The following CDK17 variants were observed in gnomAD, a reference collection of about 807,000 sequenced individuals.
CDK17 encodes the protein cyclin dependent kinase 17.
Under a neutral mutation model 77.6 loss-of-function variants are expected in CDK17, and 24 were observed. The observed-to-expected ratio is 0.31, with a 90% CI of 0.22 to 0.44. The LOEUF (loss-of-function observed/expected upper bound fraction) is 0.44. Ranked by LOEUF, CDK17 falls within the 20% of genes least tolerant of loss-of-function variation. CDK17 has a pLI of 1.00. For missense variants in CDK17, 429 were observed against 622.5 expected, an observed-to-expected ratio of 0.69 and a Z score of 3.31; for synonymous variants, 203 against 210.4, an observed-to-expected ratio of 0.96 and a Z score of 0.30.
chr12:96,317,778 T>C (rs1020079713), intron 3 of CDK17, among the ~76,000 whole-genome samples: 2 of 148,078 alleles, frequency 1.4e-5, no homozygotes, highest in Admixed American at 6.8e-5. Flanking sequence ...AGGCCTGCCC[T>C]AAAAGAGCTC....
At chr12:96,350,849 C>T (rs968729057) in intron 1 of CDK17, among the ~76,000 whole-genome samples, 1 of 151,972 alleles carries the variant, frequency 6.6e-6, no homozygotes, top group Non-Finnish European at 1.5e-5. Context: ...ACAAAAAAGA[C>T]CCCCAAAAAC....
At chr12:96,303,811 T>TGG (rs891319634) in intron 5 of CDK17, among the ~76,000 whole-genome samples, 3 of 152,152 alleles carry the variant, frequency 2.0e-5, no homozygotes, top group African/African-American at 7.2e-5. Flanking sequence ...TATCACAGGC[T>TGG]GGAGATGCTG....
chr12:96,382,405 T>C (rs998516760), intron 1 of CDK17, among the ~76,000 whole-genome samples: 4 of 147,120 alleles, frequency 2.7e-5, no homozygotes, highest in Admixed American at 6.8e-5. Context: ...CAGGACCAGA[T>C]GGATTCACAG....
At chr12:96,291,684 T>G (rs1293500617) in intron 10 of CDK17, among the ~76,000 whole-genome samples, 1 of 148,746 alleles carries the variant, frequency 6.7e-6, no homozygotes, top group Non-Finnish European at 1.5e-5. Context: ...AGTGGCATGA[T>G]CTTGGCTCAC....
chr12:96,333,671 CAA>C (rs58025242), intron 2 of CDK17, among the ~76,000 whole-genome samples: 8 of 111,518 alleles, frequency 7.2e-5, no homozygotes, highest in African/African-American at 9.4e-5. Context: ...GAGACTGTCT[CAA>C]AAAAAAAAAA....
At chr12:96,371,209 T>C (rs1953687218) in intron 1 of CDK17, among the ~76,000 whole-genome samples, 1 of 151,810 alleles carries the variant, frequency 6.6e-6, no homozygotes, top group African/African-American at 2.4e-5. Flanking sequence ...ACATTATACT[T>C]TATCCTCTAA....
intron 1 of CDK17, 108 bp downstream of exon 1, chr12:96,399,878 G>T (rs1320230605): frequency 4.0e-6 from 1 of 248,412 alleles, no homozygotes. Context: ...TGAGCCACCC[G>T]CGCCCCCAGT....
intron 5 of CDK17, among the ~76,000 whole-genome samples, chr12:96,301,899 T>C (rs955306879): frequency 6.6e-6 from 1 of 152,164 alleles, no homozygotes; most frequent in South Asian, 2.1e-4. Context: ...TGTTTTTATC[T>C]TTTTGTTACA....
chr12:96,286,522 G>A, intron 12 of CDK17, 142 bp downstream of exon 12: 1 of 574,962 alleles, frequency 1.7e-6, no homozygotes, highest in Non-Finnish European at 3.1e-6. Context: ...TATCTTCATA[G>A]TGTCCATTCT....
At chr12:96,398,982 G>A (rs895037922) in intron 1 of CDK17, 4 of 152,202 alleles carry the variant, frequency 2.6e-5, no homozygotes, top group Non-Finnish European at 5.9e-5. Flanking sequence ...TCCCAGAAAA[G>A]GAAAGGGTGG....
intron 1 of CDK17, among the ~76,000 whole-genome samples, chr12:96,379,128 T>C (rs1320970455): frequency 5.3e-5 from 8 of 152,126 alleles, no homozygotes; most frequent in Non-Finnish European, 8.8e-5. Context: ...GGGACAATTA[T>C]GTACCAAAAA....
Position 96,346,002 on chromosome 12 carries a change from T to C in CDK17, c.-29-11137A>G, listed in dbSNP as rs1304352887. ...AAAAGGCAGAGATTGTCAGACTGGA[T>C]TTTTTAAAAACCCAATCCACCTAAA... is the stretch of plus-strand genomic sequence containing the variant. On this transcript the variant is annotated intron_variant, in intron 1 of 16. Transcript: ENST00000261211. 4.6e-5 allele frequency among the ~76,000 whole-genome samples: 7 copies of C among 152,232 alleles called. No homozygotes were observed. The East Asian group carries it at 1.3e-3, about 29-fold the overall frequency.
At chr12:96,316,360 G>T (rs1161474961) in intron 3 of CDK17, among the ~76,000 whole-genome samples, 1 of 151,254 alleles carries the variant, frequency 6.6e-6, no homozygotes, top group Non-Finnish European at 1.5e-5. Context: ...AAACCGCAAG[G>T]CGGCAGCGAG....
chr12:96,346,424 C>G (rs867671206), intron 1 of CDK17, among the ~76,000 whole-genome samples: 2 of 151,098 alleles, frequency 1.3e-5, no homozygotes, highest in Non-Finnish European at 2.9e-5. Context: ...TGCACTCCAG[C>G]CTGGGTGACA....
At chr12:96,369,888 G>C (rs1421219593) in intron 1 of CDK17, among the ~76,000 whole-genome samples, 6 of 152,208 alleles carry the variant, frequency 3.9e-5, no homozygotes, top group Non-Finnish European at 7.3e-5. Context: ...AGACCAGCCT[G>C]ACCAATATGG....
chr12:96,309,355 T>C (rs1952617938), intron 5 of CDK17, among the ~76,000 whole-genome samples: 1 of 152,236 alleles, frequency 6.6e-6, no homozygotes, highest in Non-Finnish European at 1.5e-5. Context: ...TGTAAGCTTG[T>C]GATTTGCCAA....
chr12:96,327,468 G>A (rs565518637), intron 2 of CDK17, among the ~76,000 whole-genome samples: 3 of 152,224 alleles, frequency 2.0e-5, no homozygotes, highest in South Asian at 2.1e-4. Flanking sequence ...CAGCAGACAC[G>A]ACTGCTAAAT....
At chr12:96,399,909 T>C (rs1011550191) in intron 1 of CDK17, 77 bp downstream of exon 1, 1 of 332,058 alleles carries the variant, frequency 3.0e-6, no homozygotes, top group Non-Finnish European at 5.4e-6. Context: ...CCCGCCTCTG[T>C]CCCACGCAGC....
At chr12:96,382,973 T>A (rs1003123690) in intron 1 of CDK17, among the ~76,000 whole-genome samples, 5 of 152,076 alleles carry the variant, frequency 3.3e-5, no homozygotes, top group African/African-American at 9.7e-5. Flanking sequence ...AAAGAAGACA[T>A]CAAATTATCT....
Sources: gnomAD v4.1 joint callset for allele counts (sites outside exome capture counted in the v4.1 genomes callset) on GRCh38, gnomAD v4.1.1 for gene constraint, MANE v1.5 for transcripts, NCBI Gene and HGNC (gene_info 2026-07-23, HGNC 2026-07-21) for gene names.